Variants in PRKCE observed in about 807,000 individuals in gnomAD.
PRKCE encodes protein kinase C epsilon, also known as protein kinase C epsilon type.
Under a neutral mutation model 85.4 loss-of-function variants are expected in PRKCE, and 16 were observed. The ratio of observed to expected loss-of-function variants is 0.19; its 90% CI spans 0.13 to 0.28. The LOEUF (loss-of-function observed/expected upper bound fraction) is 0.28. Among genes scored for constraint, PRKCE ranks in the 10% least tolerant of loss-of-function variants. The pLI, the probability that PRKCE is intolerant of heterozygous loss-of-function variation, is 1.00. For synonymous variants in PRKCE, 388 were observed against 371.5 expected (o/e 1.04, Z -0.51); for missense variants, 573 against 975.2 (o/e 0.59, Z 5.49).
intron 2 of PRKCE, among the ~76,000 whole-genome samples, chr2:45,870,447 A>G (rs1177205757): frequency 1.3e-5 from 2 of 152,216 alleles, no homozygotes; most frequent in African/African-American, 2.4e-5. Context: ...ATACTCAGTC[A>G]TTGTATTTTA....
chr2:45,932,013 G>A (rs1191308390), intron 2 of PRKCE, among the ~76,000 whole-genome samples: 2 of 152,090 alleles, frequency 1.3e-5, no homozygotes, highest in East Asian at 1.9e-4. Context: ...CACCACACCC[G>A]GCCACATACT....
chr2:45,651,926 C>A lies in PRKCE; in HGVS notation c.-175C>A. 1.8e-6 allele frequency: 1 copy of A among 553,858 alleles called. No homozygotes were observed. The highest frequency in any genetic ancestry group is 3.2e-6 in the Non-Finnish European group (1 of 316,110). 34.3% of individuals were successfully genotyped at this position (553,858 alleles called of 1,614,324 possible). A position where few individuals can be genotyped will look rare whatever the true frequency, so the allele number is the denominator to read the frequency against. Reference sequence around the variant, plus strand: ...TAGGAACCCGGCGAGGAAATACATGCACTGGCTGAGAATCGCCCGCGCCAG... The same window carrying A: ...TAGGAACCCGGCGAGGAAATACATGAACTGGCTGAGAATCGCCCGCGCCAG... On this transcript the variant is annotated 5_prime_UTR_variant, in exon 1 of 15. Transcript: ENST00000306156.
chr2:45,934,808 C>G (rs1699308495), intron 2 of PRKCE, among the ~76,000 whole-genome samples: 1 of 150,272 alleles, frequency 6.7e-6, no homozygotes, highest in Non-Finnish European at 1.5e-5. Flanking sequence ...AATCTGAATA[C>G]TTTGGGAGGT....
intron 1 of PRKCE, among the ~76,000 whole-genome samples, chr2:45,820,925 C>A (rs984252680): frequency 6.7e-6 from 1 of 149,218 alleles, no homozygotes; most frequent in East Asian, 2.1e-4. Context: ...AAACTGCAAT[C>A]TTATGAGGTT....
intron 1 of PRKCE, among the ~76,000 whole-genome samples, chr2:45,821,178 G>T (rs1285319070): frequency 1.3e-5 from 2 of 152,258 alleles, no homozygotes; most frequent in East Asian, 3.9e-4. Flanking sequence ...GTAATATTTA[G>T]AAGTTGGTGA....
chr2:45,763,643 C>T (rs1453562241), intron 1 of PRKCE, among the ~76,000 whole-genome samples: 1 of 152,018 alleles, frequency 6.6e-6, no homozygotes, highest in Non-Finnish European at 1.5e-5. Flanking sequence ...TGGTATAACC[C>T]GCCATGCTGC....
chr2:45,983,974 G>T (rs1193669639), intron 5 of PRKCE, among the ~76,000 whole-genome samples: 4 of 132,930 alleles, frequency 3.0e-5, no homozygotes, highest in Admixed American at 1.7e-4. Flanking sequence ...GTCTTGCTCT[G>T]TCACCCAGGC....
intron 10 of PRKCE, among the ~76,000 whole-genome samples, chr2:46,011,130 A>C (rs997134529): frequency 6.6e-6 from 1 of 152,244 alleles, no homozygotes; most frequent in African/African-American, 2.4e-5. Flanking sequence ...TTTAGTAAAG[A>C]AACAGCAATG....
chr2:45,664,703 A>T (rs1572885161), intron 1 of PRKCE, among the ~76,000 whole-genome samples: 1 of 152,268 alleles, frequency 6.6e-6, no homozygotes, highest in Non-Finnish European at 1.5e-5. Flanking sequence ...GTCACTGGGG[A>T]CATCTGTCTC....
rs1262057396 is a variant in PRKCE, at chr2:45,774,860, C to G, written c.349-68140C>G. ...GCTCCTCCCATTCCTGAGTTCGTCTCCAAGTCCAGGGTATCACTGTGACCC... is the reference window on the plus strand; with the variant it reads ...GCTCCTCCCATTCCTGAGTTCGTCTGCAAGTCCAGGGTATCACTGTGACCC... On this transcript the variant is annotated intron_variant, in intron 1 of 14. Transcript: ENST00000306156. This position sits in a 1 kb window ranked among gnomAD's most constrained non-coding sequence, Gnocchi z 4.3. 6.6e-6 allele frequency among the ~76,000 whole-genome samples: 1 copy of G among 152,038 alleles called. No homozygotes were observed. Among genetic ancestry groups the G allele is most frequent in the Non-Finnish European group, 1.5e-5 (1 of 68,012 alleles).
chr2:45,985,997 A>C (rs1341833976), intron 6 of PRKCE, among the ~76,000 whole-genome samples: 1 of 152,236 alleles, frequency 6.6e-6, no homozygotes, highest in Non-Finnish European at 1.5e-5. Context: ...GTATGAAGAG[A>C]AAAAAGTCAA....
intron 10 of PRKCE, among the ~76,000 whole-genome samples, chr2:46,029,676 G>T (rs1030492531): frequency 1.5e-5 from 2 of 135,438 alleles, no homozygotes; most frequent in South Asian, 2.4e-4. Flanking sequence ...GGGGTTTGTC[G>T]TCGTATGGGT....
intron 5 of PRKCE, among the ~76,000 whole-genome samples, chr2:45,983,766 T>G (rs1040050705): frequency 6.6e-6 from 1 of 152,076 alleles, no homozygotes; most frequent in Non-Finnish European, 1.5e-5. Context: ...CTCACCATTC[T>G]GTATTAGCCA....
At chr2:46,134,579 C>G (rs138854328) in intron 11 of PRKCE, among the ~76,000 whole-genome samples, 1,532 of 152,342 alleles carry the variant, frequency 0.01, 20 homozygotes, top group Admixed American at 0.012. Context: ...TGTGCAACAG[C>G]CAGGACTGCA....
At chr2:46,113,239 G>A (rs1375055) in intron 11 of PRKCE, among the ~76,000 whole-genome samples, 109,542 of 152,134 alleles carry the variant, frequency 0.72, 40,352 homozygotes, top group East Asian at 0.94. Flanking sequence ...TACTGCAAGT[G>A]TGTTCTCTTT....
At position 46,155,948 on chromosome 2, in the gene PRKCE, A is replaced by C. The variant is rs1677152683; in HGVS notation, c.1921-3658A>C. 3.3e-5 allele frequency among the ~76,000 whole-genome samples: 5 copies of C among 151,752 alleles called. No individual in the cohort carries two copies. Among genetic ancestry groups the C allele is most frequent in the Admixed American group, 3.3e-4 (5 of 15,224 alleles). On this transcript the variant is annotated intron_variant, in intron 13 of 14. Coordinates refer to ENST00000306156, the MANE Select transcript of PRKCE (RefSeq NM_005400.3). The surrounding 1 kb of genome is among the most constrained non-coding windows in gnomAD (Gnocchi z 4.7). ...TGCAGCGCACCAGCATGGCACATGT[A>C]TACATATGTAACTAACCTGCACAAT...
chr2:45,862,259 A>G (rs1309779861), intron 2 of PRKCE, among the ~76,000 whole-genome samples: 3 of 150,630 alleles, frequency 2.0e-5, no homozygotes, highest in African/African-American at 7.4e-5. Flanking sequence ...TGAATTCTTC[A>G]TTGTGTTCCT....
At chr2:45,810,007 T>G (rs1688540568) in intron 1 of PRKCE, among the ~76,000 whole-genome samples, 1 of 152,082 alleles carries the variant, frequency 6.6e-6, no homozygotes, top group Non-Finnish European at 1.5e-5. Flanking sequence ...ATGGCACCTC[T>G]ATTCCAGGCA....
chr2:45,962,637 A>G (rs1701457306), intron 2 of PRKCE, among the ~76,000 whole-genome samples: 1 of 152,210 alleles, frequency 6.6e-6, no homozygotes, highest in African/African-American at 2.4e-5. Context: ...TCTTTTCCCA[A>G]CATTCTCATA....
Sources: allele counts gnomAD v4.1 joint callset (sites outside exome capture counted in the v4.1 genomes callset), GRCh38; gene constraint gnomAD v4.1.1; non-coding constraint Gnocchi (gnomAD v3.1); transcripts MANE v1.5; gene names NCBI Gene and HGNC (gene_info 2026-07-23, HGNC 2026-07-21).